TMED8: variants seen among roughly 807,000 people sequenced by gnomAD.
The protein encoded by TMED8 is transmembrane p24 trafficking protein family member 8.
In TMED8, 15 loss-of-function variants were observed where a neutral mutation model predicts 32.7. The observed-to-expected ratio is 0.46, with a 90% confidence interval of 0.31 to 0.71. TMED8 has a LOEUF of 0.71. Ranked by LOEUF, TMED8 falls within the 30% of genes least tolerant of loss-of-function variation. TMED8 has a pLI of 0.06. For synonymous variants in TMED8, 147 were observed against 161.4 expected (o/e 0.91, Z 0.68); for missense variants, 390 against 423.9 (o/e 0.92, Z 0.70).
At chr14:77,346,562 T>A in intron 2 of TMED8, 84 bp from the exon 3 acceptor site, 1 of 1,563,334 alleles carries the variant, frequency 6.4e-7, no homozygotes, top group Non-Finnish European at 8.7e-7. Context: ...TAAAACAACA[T>A]TCGAGATACC....
At chr14:77,342,730 A>G (rs1892935086) in intron 5 of TMED8, among the ~76,000 whole-genome samples, 1 of 152,226 alleles carries the variant, frequency 6.6e-6, no homozygotes, top group Non-Finnish European at 1.5e-5. Flanking sequence ...GAAGTAACCA[A>G]TAGCCAGCTA....
intron 1 of TMED8, among the ~76,000 whole-genome samples, chr14:77,357,722 C>G (rs9323641): frequency 0.68 from 103,198 of 152,128 alleles, 36,020 homozygotes; most frequent in African/African-American, 0.86. Context: ...GATGACACCA[C>G]TGGTCTTGCT....
chr14:77,342,715 G>T (rs1368299850), intron 5 of TMED8, among the ~76,000 whole-genome samples: 2 of 152,226 alleles, frequency 1.3e-5, no homozygotes, highest in African/African-American at 2.4e-5. Flanking sequence ...TGGGCATGAA[G>T]TAAAGAAGTA....
chr14:77,352,997 T>C (rs932194915), intron 1 of TMED8, among the ~76,000 whole-genome samples: 12 of 152,158 alleles, frequency 7.9e-5, no homozygotes, highest in African/African-American at 2.7e-4. Flanking sequence ...AAGGAGTATA[T>C]AGGTGAAATG....
intron 2 of TMED8, 85 bp from the exon 3 acceptor site, chr14:77,346,563 T>G: frequency 6.4e-7 from 1 of 1,559,100 alleles, no homozygotes; most frequent in African/African-American, 1.4e-5. Flanking sequence ...AAAACAACAT[T>G]CGAGATACCC....
intron 1 of TMED8, among the ~76,000 whole-genome samples, chr14:77,374,495 C>T (rs538814793): frequency 3.1e-4 from 47 of 152,330 alleles, no homozygotes; most frequent in Non-Finnish European, 4.4e-4. Context: ...CCAGTTGTGA[C>T]GAGCAAAAAT....
At position 77,340,380 on chromosome 14, in the gene TMED8, T is replaced by C. The variant is rs1054126742; in HGVS notation, c.*1391A>G. ...AAACTGTTTCAAAGGCAAAATGAAA[T>C]GTGCTAAAAAAATAAATACAGTAAT... On this transcript the variant is annotated 3_prime_UTR_variant, in exon 6 of 6. Transcript: ENST00000216468. The C allele has an allele frequency of 5.3e-5, 8 of 152,130 alleles. No individual in the cohort carries two copies. The highest frequency in any genetic ancestry group is 1.3e-4 in the Admixed American group (2 of 15,274). The allele number at this position is 152,130 out of a possible 1,614,324, so 9.4% of individuals were successfully genotyped here. A position where few individuals can be genotyped will look rare whatever the true frequency, so the allele number is the denominator to read the frequency against.
At position 77,346,484 on chromosome 14, in the gene TMED8, A is replaced by G. The variant is rs748156552; in HGVS notation, c.198-6T>C. The stretch of plus-strand genomic sequence containing the variant: ...CTGGAGATACCATCTGTGGCCTCTC[A>G]GAGGAAGAGAGCATGTTAATTCAAG... On this transcript the variant is annotated splice_polypyrimidine_tract_variant and splice_region_variant and intron_variant, in intron 2 of 5. Coordinates refer to ENST00000216468, the MANE Select transcript of TMED8 (RefSeq NM_213601.3). The G allele has an allele frequency of 1.2e-6, 2 of 1,614,114 alleles. No homozygotes were observed. The highest frequency in any genetic ancestry group is 4.5e-5 in the East Asian group (2 of 44,882).
rs1355007655 is a variant in TMED8 at position 77,340,866 on chromosome 14, C to G, written c.*905G>C. ...TAAAGACAAAAAAAAGCGGTGGGGACTCTGGAGTGTTTTTTGTTTTTCATC... is the reference window on the plus strand; with the variant it reads ...TAAAGACAAAAAAAAGCGGTGGGGAGTCTGGAGTGTTTTTTGTTTTTCATC... On this transcript the variant is annotated 3_prime_UTR_variant, in exon 6 of 6. Transcript: ENST00000216468. 2 of 151,262 alleles carry G rather than the reference C, an allele frequency of 1.3e-5. No homozygotes were observed. The allele number at this position is 151,262 out of a possible 1,614,324, so 9.4% of individuals were successfully genotyped here. A position where few individuals can be genotyped will look rare whatever the true frequency, so the allele number is the denominator to read the frequency against.
chr14:77,367,359 A>G (rs1246482529), intron 1 of TMED8, among the ~76,000 whole-genome samples: 1 of 151,470 alleles, frequency 6.6e-6, no homozygotes, highest in Admixed American at 6.6e-5. Flanking sequence ...AACACCACCC[A>G]GGCCAAGAAA....
chr14:77,360,357 C>A (rs1893406147), intron 1 of TMED8, among the ~76,000 whole-genome samples: 2 of 152,110 alleles, frequency 1.3e-5, no homozygotes, highest in African/African-American at 4.8e-5. Flanking sequence ...TCACCACCAC[C>A]ACCACCACCT....
At position 77,339,498 on chromosome 14, in the gene TMED8, A is replaced by G. The variant is rs1038545661; in HGVS notation, c.*2273T>C. On this transcript the variant is annotated 3_prime_UTR_variant, in exon 6 of 6. Coordinates refer to ENST00000216468, the MANE Select transcript of TMED8 (RefSeq NM_213601.3). ...GGCCTGACTGTTTCAATTTGAGAGA[A>G]AGGCAGAAGTTAATAATAAACAGGA... The G allele has an allele frequency of 2.0e-5, 3 of 152,246 alleles. No homozygotes were observed. 9.4% of individuals were successfully genotyped at this position (152,246 alleles called of 1,614,324 possible).
At chr14:77,372,314 C>A (rs371673164) in intron 1 of TMED8, among the ~76,000 whole-genome samples, 3 of 152,146 alleles carry the variant, frequency 2.0e-5, no homozygotes, top group East Asian at 3.9e-4. Context: ...GGGATTCAAA[C>A]TTACTGTGTA....
intron 3 of TMED8, among the ~76,000 whole-genome samples, chr14:77,344,724 T>C (rs1892986558): frequency 6.6e-6 from 1 of 152,254 alleles, no homozygotes; most frequent in African/African-American, 2.4e-5. Context: ...GCAATCCAGT[T>C]AAGAGGCTGG....
At chr14:77,361,375 G>A (rs1893430576) in intron 1 of TMED8, among the ~76,000 whole-genome samples, 1 of 152,144 alleles carries the variant, frequency 6.6e-6, no homozygotes, top group Admixed American at 6.6e-5. Flanking sequence ...TAGTGCCTTT[G>A]TCAAAAATTA....
In TMED8 at chr14:77,339,166, A is replaced by C. The variant is rs912753915; in HGVS notation, c.*2605T>G. The C allele has an allele frequency of 6.6e-6, 1 of 152,222 alleles. No individual in the cohort carries two copies. The highest frequency in any genetic ancestry group is 2.4e-5 in the African/African-American group (1 of 41,462). 9.4% of individuals were successfully genotyped at this position (152,222 alleles called of 1,614,324 possible). On this transcript the variant is annotated 3_prime_UTR_variant, in exon 6 of 6. Coordinates refer to ENST00000216468, the MANE Select transcript of TMED8 (RefSeq NM_213601.3). ...TCAGTAAGTAGTATCTTGCCCCTAA[A>C]GTTCAATTATTTCAGAAATGTAACA...
chr14:77,367,263 A>C (rs1312791909), intron 1 of TMED8, among the ~76,000 whole-genome samples: 1 of 151,572 alleles, frequency 6.6e-6, no homozygotes, highest in African/African-American at 2.4e-5. Context: ...AAAAAAAAAA[A>C]AAAACTTTTT....
At chr14:77,350,445 A>G (rs1397705328) in intron 2 of TMED8, among the ~76,000 whole-genome samples, 1 of 152,194 alleles carries the variant, frequency 6.6e-6, no homozygotes, top group Non-Finnish European at 1.5e-5. Context: ...TAGCCCCAAA[A>G]TATTTGTTGA....
At chr14:77,366,797 C>T (rs1222734521) in intron 1 of TMED8, among the ~76,000 whole-genome samples, 1 of 152,146 alleles carries the variant, frequency 6.6e-6, no homozygotes, top group Non-Finnish European at 1.5e-5. Flanking sequence ...TTGATGCTAT[C>T]ATTACTCCCT....
Sources: gnomAD v4.1 joint callset for allele counts (sites outside exome capture counted in the v4.1 genomes callset) on GRCh38, gnomAD v4.1.1 for gene constraint, MANE v1.5 for transcripts, NCBI Gene and HGNC (gene_info 2026-07-23, HGNC 2026-07-21) for gene names.